Variants in ROR2 observed in about 807,000 individuals in gnomAD.
ROR2 encodes the protein tyrosine-protein kinase transmembrane receptor ROR2.
Under a neutral mutation model 74.9 loss-of-function variants are expected in ROR2, and 33 were observed. The ratio of observed to expected loss-of-function variants is 0.44; its 90% CI spans 0.33 to 0.59. ROR2 has a LOEUF of 0.59. Ranked by LOEUF, ROR2 falls within the 20% of genes least tolerant of loss-of-function variation. The pLI, the probability that ROR2 is intolerant of heterozygous loss-of-function variation, is 0.02. For synonymous variants in ROR2, 586 were observed against 558.7 expected (o/e 1.05, Z -0.69); for missense variants, 1,216 against 1,313.8 (o/e 0.93, Z 1.15).
At chr9:91,783,494 C>A (rs1225841452) in intron 1 of ROR2, among the ~76,000 whole-genome samples, 4 of 152,104 alleles carry the variant, frequency 2.6e-5, no homozygotes, top group Admixed American at 2.6e-4. Context: ...GTGCCCCAAA[C>A]CCCTCCCTTC....
chr9:91,920,061 T>G (rs1831226172), intron 1 of ROR2, among the ~76,000 whole-genome samples: 1 of 152,202 alleles, frequency 6.6e-6, no homozygotes, highest in Admixed American at 6.5e-5. Context: ...AGGCCATTTG[T>G]GAAACAAAGT....
intron 1 of ROR2, among the ~76,000 whole-genome samples, chr9:91,896,461 G>A (rs1766844150): frequency 1.3e-5 from 2 of 152,166 alleles, no homozygotes; most frequent in Admixed American, 1.3e-4. Flanking sequence ...TTCGGCTTCT[G>A]GAAAGATCTC....
At chr9:91,848,452 G>A (rs1828991309) in intron 1 of ROR2, among the ~76,000 whole-genome samples, 2 of 152,078 alleles carry the variant, frequency 1.3e-5, no homozygotes, top group African/African-American at 2.4e-5. Flanking sequence ...TCTGGCTAAC[G>A]CTTAATTTTT....
At chr9:91,944,927 G>A (rs752237053) in intron 1 of ROR2, among the ~76,000 whole-genome samples, 1 of 152,082 alleles carries the variant, frequency 6.6e-6, no homozygotes, top group Admixed American at 6.5e-5. Context: ...ACGGTAGCGC[G>A]TGCCTGTGGT....
intron 1 of ROR2, among the ~76,000 whole-genome samples, chr9:91,804,255 T>C (rs1827479034): frequency 6.6e-6 from 1 of 152,048 alleles, no homozygotes; most frequent in African/African-American, 2.4e-5. Context: ...AGGGAAGAGT[T>C]TACCACCACC....
At chr9:91,853,284 G>C (rs1829171036) in intron 1 of ROR2, among the ~76,000 whole-genome samples, 1 of 152,220 alleles carries the variant, frequency 6.6e-6, no homozygotes, top group South Asian at 2.1e-4. Context: ...GACCCAACCA[G>C]AGTTACTGGG....
At chr9:91,827,373 T>C (rs1021292773) in intron 1 of ROR2, among the ~76,000 whole-genome samples, 4 of 152,170 alleles carry the variant, frequency 2.6e-5, no homozygotes, top group Admixed American at 2.6e-4. Flanking sequence ...ATCACACCAT[T>C]GCACTCCAGC....
chr9:91,779,896 C>T (rs558543275), intron 1 of ROR2, among the ~76,000 whole-genome samples: 4 of 152,338 alleles, frequency 2.6e-5, no homozygotes, highest in African/African-American at 9.6e-5. Flanking sequence ...GGCATGGAGA[C>T]ATCAGCTCTT....
intron 4 of ROR2, among the ~76,000 whole-genome samples, chr9:91,754,296 TTATA>T (rs1343089563): frequency 6.6e-6 from 1 of 150,684 alleles, no homozygotes; most frequent in Admixed American, 6.6e-5. Flanking sequence ...TTACAATATA[TTATA>T]TAGTTACATA....
chr9:91,829,612 C>G (rs968392362), intron 1 of ROR2, among the ~76,000 whole-genome samples: 11 of 143,078 alleles, frequency 7.7e-5, no homozygotes, highest in African/African-American at 2.6e-4. Flanking sequence ...CAGGTGTAAT[C>G]TGTGAATATT....
At chr9:91,862,311 C>T (rs1287103563) in intron 1 of ROR2, among the ~76,000 whole-genome samples, 1 of 151,686 alleles carries the variant, frequency 6.6e-6, no homozygotes, top group Non-Finnish European at 1.5e-5. Context: ...GCCTGGGTGA[C>T]AGAGCGAGAC....
intron 1 of ROR2, among the ~76,000 whole-genome samples, chr9:91,833,965 G>C (rs1828542679): frequency 6.6e-6 from 1 of 152,188 alleles, no homozygotes; most frequent in Non-Finnish European, 1.5e-5. Context: ...AGCACCCACA[G>C]GCTGAGGTCA....
At chr9:91,792,331 G>A (rs563793295) in intron 1 of ROR2, among the ~76,000 whole-genome samples, 9 of 145,212 alleles carry the variant, frequency 6.2e-5, no homozygotes, top group South Asian at 2.2e-4. Flanking sequence ...TTTTTGAGAC[G>A]GAGTCTCGCT....
intron 1 of ROR2, among the ~76,000 whole-genome samples, chr9:91,828,763 T>C (rs947234189): frequency 6.6e-6 from 1 of 152,198 alleles, no homozygotes; most frequent in Non-Finnish European, 1.5e-5. Context: ...AGTAATTGCA[T>C]CTTCTACAAT....
intron 1 of ROR2, among the ~76,000 whole-genome samples, chr9:91,914,905 C>T (rs959010946): frequency 1.2e-4 from 19 of 152,316 alleles, no homozygotes; most frequent in Middle Eastern, 3.4e-3. Context: ...CACCAGTCCA[C>T]TCAGCATCAC....
intron 1 of ROR2, among the ~76,000 whole-genome samples, chr9:91,859,131 G>A (rs1042405458): frequency 2.0e-5 from 3 of 151,908 alleles, no homozygotes; most frequent in African/African-American, 7.3e-5. Flanking sequence ...GAGATTCAGG[G>A]CAAGGTAAAG....
chr9:91,857,828 T>A (rs927391606), intron 1 of ROR2, among the ~76,000 whole-genome samples: 1 of 152,184 alleles, frequency 6.6e-6, no homozygotes, highest in East Asian at 1.9e-4. Context: ...CTGGTTTTCA[T>A]TGAACGGAGT....
chr9:91,767,456 C>A (rs954398848), intron 2 of ROR2, among the ~76,000 whole-genome samples: 4 of 152,188 alleles, frequency 2.6e-5, no homozygotes, highest in Non-Finnish European at 4.4e-5. Flanking sequence ...TCTGCTTTTA[C>A]CAGGTCACAC....
Position 91,807,841 on chromosome 9 carries a change from A to C in ROR2, c.98-32023T>G, listed in dbSNP as rs555641355. 3.3e-5 allele frequency among the ~76,000 whole-genome samples: 5 copies of C among 152,210 alleles called. No individual in the cohort carries two copies. In the East Asian group the frequency reaches 9.7e-4, roughly 29 times the overall value. ...GCCTGTTGGGGAAGTCAGTGAGATC[A>C]CTGTACACTATGACACGGCGACCCT... On this transcript the variant is annotated intron_variant, in intron 1 of 8. Coordinates refer to ENST00000375708, the MANE Select transcript of ROR2 (RefSeq NM_004560.4).
Sources: allele counts gnomAD v4.1 joint callset (sites outside exome capture counted in the v4.1 genomes callset), GRCh38; gene constraint gnomAD v4.1.1; transcripts MANE v1.5; gene names NCBI Gene and HGNC (gene_info 2026-07-23, HGNC 2026-07-21).